Variants in DPP10 observed in about 807,000 individuals in gnomAD.
DPP10 encodes the protein dipeptidyl peptidase like 10.
Under a neutral mutation model 120.9 loss-of-function variants are expected in DPP10, and 33 were observed. The observed-to-expected ratio is 0.27, with a 90% CI of 0.21 to 0.37. DPP10 has a LOEUF of 0.37. Among genes scored for constraint, DPP10 ranks in the 10% least tolerant of loss-of-function variants. The pLI, the probability that DPP10 is intolerant of heterozygous loss-of-function variation, is 1.00. For missense variants in DPP10, 816 were observed against 942.8 expected (o/e 0.87, Z 1.76); for synonymous variants, 337 against 326.1 (o/e 1.03, Z -0.36).
intron 1 of DPP10, among the ~76,000 whole-genome samples, chr2:115,058,334 C>A (rs571748155): frequency 6.9e-6 from 1 of 145,742 alleles, no homozygotes; most frequent in Non-Finnish European, 1.5e-5. Context: ...CCAGCTTCTA[C>A]TGCTCTTTTA....
intron 1 of DPP10, among the ~76,000 whole-genome samples, chr2:114,955,810 G>C (rs1279556906): frequency 6.6e-6 from 1 of 152,120 alleles, no homozygotes; most frequent in East Asian, 1.9e-4. Flanking sequence ...CTATGAATTT[G>C]ATACATTGTG....
In DPP10 at chr2:114,965,982, A is replaced by AG. The variant is rs1411341077; in HGVS notation, c.61-343257_61-343256insG. ...TCCTTCTCAAAAAAAAAAAAAAAAA[A>AG]AAAAAGAAAAAAAAAGAAAAAGAAA... is the stretch of plus-strand genomic sequence containing the variant. On this transcript the variant is annotated intron_variant, in intron 1 of 25. Coordinates refer to ENST00000410059, the MANE Select transcript of DPP10 (RefSeq NM_020868.6). 1.6e-4 allele frequency among the ~76,000 whole-genome samples: 23 copies of AG among 146,972 alleles called. No individual in the cohort carries two copies. The East Asian group carries it at 1.6e-3, about 10-fold the overall frequency.
intron 5 of DPP10, among the ~76,000 whole-genome samples, chr2:115,577,238 T>C (rs1296923664): frequency 6.6e-6 from 1 of 152,150 alleles, no homozygotes; most frequent in Non-Finnish European, 1.5e-5. Flanking sequence ...CTAATATCTC[T>C]TCCTGCCTAG....
chr2:115,200,167 C>G (rs912970242), intron 1 of DPP10, among the ~76,000 whole-genome samples: 3 of 152,142 alleles, frequency 2.0e-5, no homozygotes, highest in African/African-American at 7.2e-5. Flanking sequence ...AAACGAACTG[C>G]CTTTTCCAGC....
chr2:115,393,171 G>T (rs923958687), intron 3 of DPP10, among the ~76,000 whole-genome samples: 3 of 151,964 alleles, frequency 2.0e-5, no homozygotes, highest in African/African-American at 7.3e-5. Context: ...AAATTAGCTG[G>T]ACATGGTAGT....
chr2:115,795,252 G>A (rs543053812), intron 19 of DPP10, among the ~76,000 whole-genome samples: 1 of 152,092 alleles, frequency 6.6e-6, no homozygotes, highest in African/African-American at 2.4e-5. Context: ...CAGCTCAGGA[G>A]TTTATTTCAG....
chr2:115,108,643 G>A (rs1035607247), intron 1 of DPP10, among the ~76,000 whole-genome samples: 1 of 151,860 alleles, frequency 6.6e-6, no homozygotes, highest in Non-Finnish European at 1.5e-5. Flanking sequence ...TATAACCAAA[G>A]TCTGAAAAAA....
At chr2:115,422,719 G>A (rs1399543720) in intron 3 of DPP10, among the ~76,000 whole-genome samples, 2 of 152,072 alleles carry the variant, frequency 1.3e-5, no homozygotes, top group African/African-American at 4.8e-5. Context: ...ATCCAATAAT[G>A]TCAGTTCAGA....
intron 1 of DPP10, among the ~76,000 whole-genome samples, chr2:114,914,033 A>T (rs1199053654): frequency 6.6e-6 from 1 of 152,206 alleles, no homozygotes; most frequent in Non-Finnish European, 1.5e-5. Flanking sequence ...TAAAAAAATA[A>T]TTTTAAAAAA....
chr2:114,783,571 G>A (rs539108882), intron 1 of DPP10, among the ~76,000 whole-genome samples: 28 of 152,132 alleles, frequency 1.8e-4, no homozygotes, highest in African/African-American at 5.1e-4. Context: ...GCATGGTGGC[G>A]CACATCTGTA....
intron 1 of DPP10, among the ~76,000 whole-genome samples, chr2:114,529,295 A>G (rs1345865277): frequency 6.6e-6 from 1 of 151,996 alleles, no homozygotes; most frequent in Non-Finnish European, 1.5e-5. Context: ...ACGCTGGACA[A>G]CCCACTATTT....
intron 1 of DPP10, among the ~76,000 whole-genome samples, chr2:115,220,044 G>C (rs576283399): frequency 6.6e-6 from 1 of 152,122 alleles, no homozygotes; most frequent in Admixed American, 6.6e-5. Context: ...ATCTTTATAA[G>C]GGTCAGCTAA....
chr2:115,064,624 C>T, intron 1 of DPP10: 1 of 1,256,556 alleles, frequency 8.0e-7, no homozygotes, highest in Non-Finnish European at 1.0e-6. Context: ...TCTTTGCTTC[C>T]TGTACTTATA....
intron 1 of DPP10, among the ~76,000 whole-genome samples, chr2:115,007,524 G>A (rs1701944703): frequency 6.7e-6 from 1 of 150,132 alleles, no homozygotes; most frequent in South Asian, 2.1e-4. Flanking sequence ...CACAAGACAG[G>A]GATGCCCTCT....
At chr2:115,177,341 C>T (rs562419526) in intron 1 of DPP10, among the ~76,000 whole-genome samples, 19 of 152,296 alleles carry the variant, frequency 1.2e-4, no homozygotes, top group East Asian at 5.8e-4. Context: ...GCTTTGCTCC[C>T]GGTTTTTCAG....
intron 1 of DPP10, among the ~76,000 whole-genome samples, chr2:115,188,029 GAGAC>G (rs1449578513): frequency 6.8e-6 from 1 of 146,960 alleles, no homozygotes; most frequent in African/African-American, 2.6e-5. Flanking sequence ...AAAAAACAGA[GAGAC>G]AGAGAGAGAG....
At chr2:115,223,202 G>T (rs1382344264) in intron 1 of DPP10, among the ~76,000 whole-genome samples, 2 of 152,052 alleles carry the variant, frequency 1.3e-5, no homozygotes, top group Admixed American at 1.3e-4. Context: ...AGCTATTTTA[G>T]CTTTTCCCTC....
chr2:115,172,477 G>C (rs1573886343), intron 1 of DPP10, among the ~76,000 whole-genome samples: 1 of 152,056 alleles, frequency 6.6e-6, no homozygotes, highest in Non-Finnish European at 1.5e-5. Context: ...CCAGAGAAAT[G>C]ATTATATGCT....
At chr2:114,577,479 G>T (rs1412966434) in intron 1 of DPP10, among the ~76,000 whole-genome samples, 1 of 152,196 alleles carries the variant, frequency 6.6e-6, no homozygotes, top group African/African-American at 2.4e-5. Flanking sequence ...AACCAGAGGG[G>T]TCCATAGAAA....
Sources: allele counts gnomAD v4.1 joint callset (sites outside exome capture counted in the v4.1 genomes callset), GRCh38; gene constraint gnomAD v4.1.1; transcripts MANE v1.5; gene names NCBI Gene and HGNC (gene_info 2026-07-23, HGNC 2026-07-21).